The following REV3L variants were observed in gnomAD, a reference collection of about 807,000 sequenced individuals.
REV3L encodes DNA polymerase zeta catalytic subunit.
Under a neutral mutation model 299.4 loss-of-function variants are expected in REV3L, and 69 were observed. The observed-to-expected ratio is 0.23, with a 90% CI of 0.19 to 0.28. The LOEUF (loss-of-function observed/expected upper bound fraction) is 0.28, where lower values mean the gene tolerates loss of function less well. Among genes scored for constraint, REV3L ranks in the 10% least tolerant of loss-of-function variants. REV3L has a pLI of 1.00. For synonymous variants in REV3L, 1,238 were observed against 1,271.4 expected, an observed-to-expected ratio of 0.97 and a Z score of 0.56; for missense variants, 3,128 against 3,693.8, an observed-to-expected ratio of 0.85 and a Z score of 3.97.
chr6:111,469,817 A>C (rs958916552), intron 1 of REV3L, among the ~76,000 whole-genome samples: 1 of 152,226 alleles, frequency 6.6e-6, no homozygotes, highest in African/African-American at 2.4e-5. Flanking sequence ...AGAATTGCTT[A>C]ATTGAGCCCA....
Position 111,311,115 on chromosome 6 carries a change from A to G in REV3L, c.8749T>C (p.Phe2917Leu). 6.2e-7 allele frequency: 1 copy of G among 1,613,856 alleles called. No individual in the cohort carries two copies. The change falls in exon 29 of 32, where the codon TTT (phenylalanine) becomes CTT (leucine). Residue 2917 changes from phenylalanine to leucine, a missense_variant. Physicochemically the swap from Phe to Leu is conservative, Grantham distance 22. This residue lies in a region of REV3L where 294 missense variants were observed against 377.0 expected (regional missense o/e 0.78). Transcript: ENST00000368802. Reference protein sequence around the residue: ...FIFAKEYRGSFSYKPGACVPA... With the variant: ...FIFAKEYRGSLSYKPGACVPA... ...ACACAAGCTCCTGGTTTATAAGAAA[A>G]ACTTCCTCTGTATTCCTTGGCAAAG... is the stretch of plus-strand genomic sequence containing the variant.
At chr6:111,431,017 G>C in intron 1 of REV3L, 1 of 1,564,182 alleles carries the variant, frequency 6.4e-7, no homozygotes, top group South Asian at 1.2e-5. Flanking sequence ...AGTCACTCCA[G>C]TGTTATATTT....
In REV3L at chr6:111,461,729, A is replaced by G. The variant is rs180788816; in HGVS notation, c.139+21021T>C. ...TATATCAAGAAAACTGTGATTAATT[A>G]CAAATATACGGCAAACCCTAGGGCA... On this transcript the variant is annotated intron_variant, in intron 1 of 31. Transcript: ENST00000368802. Among the ~76,000 whole-genome samples the G allele has an allele frequency of 3.8e-3, 572 of 152,220 alleles. 2 individuals are homozygous for G. The highest frequency in any genetic ancestry group is 6.8e-3 in the Non-Finnish European group (462 of 67,966).
In REV3L at chr6:111,322,635, C is replaced by T. The variant is rs3218592; in HGVS notation, c.8285G>A (p.Arg2762Gln). The change falls in exon 26 of 32, where the codon CGA (arginine) becomes CAA (glutamine). Residue 2762 changes from arginine to glutamine, a missense_variant. Arg to Gln is a conservative substitution (Grantham distance 43, BLOSUM62 1). Coordinates refer to ENST00000368802, the MANE Select transcript of REV3L (RefSeq NM_001372078.1). ...IVHKARETLE[R>Q]AIKLVNDTKK... ...GGTATCATTCACCAGTTTAATAGCTCGTTCCAAGGTCTCTCTGGCTTTGTG... is the reference window on the plus strand; with the variant it reads ...GGTATCATTCACCAGTTTAATAGCTTGTTCCAAGGTCTCTCTGGCTTTGTG... 550 of 1,614,080 alleles carry T rather than the reference C, an allele frequency of 3.4e-4. 6 individuals are homozygous for T. In the East Asian group the frequency reaches 1.0e-2, roughly 29 times the overall value.
chr6:111,466,247 A>AAAAG (rs1456625583), intron 1 of REV3L, among the ~76,000 whole-genome samples: 1 of 152,232 alleles, frequency 6.6e-6, no homozygotes, highest in Non-Finnish European at 1.5e-5. Context: ...GCACTGTGAT[A>AAAAG]AAAGACTTAT....
chr6:111,478,102 C>A (rs1793159646), intron 1 of REV3L, among the ~76,000 whole-genome samples: 1 of 152,218 alleles, frequency 6.6e-6, no homozygotes. Flanking sequence ...TACCTTGTAG[C>A]TGTTCCTCTA....
intron 1 of REV3L, among the ~76,000 whole-genome samples, chr6:111,482,280 C>T (rs993487936): frequency 6.6e-6 from 1 of 152,290 alleles, no homozygotes; most frequent in Middle Eastern, 3.4e-3. Context: ...CCATGGGGAG[C>T]GACTGACAAC....
Position 111,351,806 on chromosome 6 carries a change from T to A in REV3L, c.7185-15A>T, listed in dbSNP as rs529213444. The A allele has an allele frequency of 1.9e-4, 294 of 1,525,122 alleles. 3 individuals are homozygous for A. The South Asian group carries it at 3.2e-3, about 16-fold the overall frequency. The allele number at this position is 1,525,122 out of a possible 1,614,324, so 94.5% of individuals were successfully genotyped here. A position where few individuals can be genotyped will look rare whatever the true frequency, so the allele number is the denominator to read the frequency against. On this transcript the variant is annotated splice_polypyrimidine_tract_variant and intron_variant, in intron 18 of 31. Transcript: ENST00000368802. ...CAGGATCATACCTAAAAAAGGAATT[T>A]AAAAAAGTTATATAAGTACCATACA...
At chr6:111,483,698 G>A (rs1473305327), upstream of REV3L, 1 of 377,540 alleles carries the variant, frequency 2.6e-6, no homozygotes. Flanking sequence ...GGAGGGAGGC[G>A]AGGCGCAGAT....
chr6:111,339,165 A>C (rs1220184874), intron 21 of REV3L, among the ~76,000 whole-genome samples: 1 of 152,164 alleles, frequency 6.6e-6, no homozygotes, highest in African/African-American at 2.4e-5. Context: ...TATCCTGAAA[A>C]GAAAGACGTA....
At chr6:111,391,653 G>C (rs1411308611) in intron 5 of REV3L, among the ~76,000 whole-genome samples, 1 of 152,140 alleles carries the variant, frequency 6.6e-6, no homozygotes, top group Non-Finnish European at 1.5e-5. Context: ...TGTCAGCTGC[G>C]CTTGGTGGCT....
At position 111,376,576 on chromosome 6, in the gene REV3L, T is replaced by C; in HGVS notation, c.1779A>G (p.Glu593=). 6.2e-7 allele frequency: 1 copy of C among 1,613,226 alleles called. No homozygotes were observed. Among genetic ancestry groups the C allele is most frequent in the East Asian group, 2.2e-5 (1 of 44,808 alleles). The change falls in exon 13 of 32, where the codon GAA becomes GAG. Residue 593 remains glutamate, a synonymous_variant. Transcript: ENST00000368802. ...SALSSHVLNK[E]DLIEDLSQTN... ...TCTGTGAAAGGTCTTCAATTAAATC[T>C]TCCTTGTTCAAAACATGGGAAGAAA... is the stretch of plus-strand genomic sequence containing the variant.
chr6:111,408,444 A>G (rs1286206567), intron 3 of REV3L, among the ~76,000 whole-genome samples: 1 of 152,082 alleles, frequency 6.6e-6, no homozygotes, highest in Non-Finnish European at 1.5e-5. Flanking sequence ...TCTACTAAAA[A>G]TATTAAAAAA....
chr6:111,330,357 CAA>C, intron 24 of REV3L: 11 of 373,810 alleles, frequency 2.9e-5, no homozygotes, highest in South Asian at 5.9e-5. Flanking sequence ...TTGTTGATGC[CAA>C]AAAAAAAATC....
chr6:111,441,336 T>A (rs893301365), intron 1 of REV3L, among the ~76,000 whole-genome samples: 1 of 152,202 alleles, frequency 6.6e-6, no homozygotes, highest in East Asian at 1.9e-4. Context: ...CACTGCAGCC[T>A]TGACCTCATG....
rs55902609 is a variant in REV3L at position 111,313,985 on chromosome 6, C to A, written c.8467-496G>T. Among the ~76,000 whole-genome samples, 1,490 of 152,304 alleles carry A rather than the reference C, an allele frequency of 9.8e-3. 22 individuals carry two copies. The highest frequency in any genetic ancestry group is 0.034 in the African/African-American group (1,421 of 41,566). On this transcript the variant is annotated intron_variant, in intron 27 of 31. Coordinates refer to ENST00000368802, the MANE Select transcript of REV3L (RefSeq NM_001372078.1). ...CCAGGAGGACGCAATTCCTCCTTTC[C>A]TTTGTGCTCTCACAGTGTTTAAGCG...
chr6:111,374,922 T>C lies in REV3L; in HGVS notation c.3433A>G (p.Lys1145Glu). 1 of 1,613,008 alleles carries C rather than the reference T, an allele frequency of 6.2e-7. No homozygotes were observed. Among genetic ancestry groups the C allele is most frequent in the Non-Finnish European group, 8.5e-7 (1 of 1,179,682 alleles). The change falls in exon 13 of 32, where the codon AAA becomes GAA. Residue 1145 changes from lysine (K) to glutamate (E), a missense_variant. Lys to Glu is a moderately conservative substitution (Grantham distance 56). Transcript: ENST00000368802. ...GGACCCTTAAAAAGCATTGCCTCTT[T>C]TTCTGCAGCAGCCATGATTTCTTCA... ...RAEEIMAAAE[K>E]EAMLFKGPNV...
At chr6:111,481,714 T>C (rs959060093) in intron 1 of REV3L, among the ~76,000 whole-genome samples, 1 of 152,170 alleles carries the variant, frequency 6.6e-6, no homozygotes, top group African/African-American at 2.4e-5. Flanking sequence ...TAAGATGCAT[T>C]ATTTCCTAGA....
chr6:111,464,613 A>G (rs1206412973), intron 1 of REV3L, among the ~76,000 whole-genome samples: 1 of 151,906 alleles, frequency 6.6e-6, no homozygotes, highest in East Asian at 1.9e-4. Flanking sequence ...CTCTTAAGAG[A>G]TAAGAAAAAA....
Sources: gnomAD v4.1 joint callset for allele counts (sites outside exome capture counted in the v4.1 genomes callset) on GRCh38, gnomAD v4.1.1 for gene constraint, gnomAD v4.1.1 regional missense constraint, MANE v1.5 for transcripts, NCBI Gene and HGNC (gene_info 2026-07-23, HGNC 2026-07-21) for gene names.